Variants in GLP2R observed in about 807,000 individuals in gnomAD.
GLP2R encodes glucagon like peptide 2 receptor.
A neutral mutation model predicts 68.2 loss-of-function variants in GLP2R; 59 were observed. The ratio of observed to expected loss-of-function variants is 0.87; its 90% CI spans 0.70 to 1.07. The LOEUF (loss-of-function observed/expected upper bound fraction) is 1.07. Among genes scored for constraint, GLP2R ranks in the 50% least tolerant of loss-of-function variants. The probability of loss-of-function intolerance (pLI) is 0.00; values close to 1 mark genes in which losing one functional copy is unlikely to be tolerated. For missense variants in GLP2R, 548 were observed against 677.4 expected (o/e 0.81, Z 2.12); for synonymous variants, 270 against 265.4 (o/e 1.02, Z -0.17).
intron 1 of GLP2R, among the ~76,000 whole-genome samples, chr17:9,829,264 T>C (rs1303466435): frequency 2.6e-5 from 4 of 152,184 alleles, no homozygotes; most frequent in African/African-American, 9.7e-5. Context: ...GAGAAGTACA[T>C]TGCGGCCCTT....
chr17:9,850,705 T>C (rs1276972423), intron 4 of GLP2R, among the ~76,000 whole-genome samples: 1 of 137,170 alleles, frequency 7.3e-6, no homozygotes, highest in Admixed American at 7.2e-5. Flanking sequence ...TTTTTTTTTT[T>C]TTTTGAGCCG....
intron 10 of GLP2R, among the ~76,000 whole-genome samples, chr17:9,873,313 G>A (rs935728097): frequency 4.6e-5 from 7 of 152,100 alleles, no homozygotes; most frequent in Non-Finnish European, 5.9e-5. Flanking sequence ...AGCCTATCAC[G>A]GGCCACTGGC....
At chr17:9,857,068 C>T (rs1283709705) in intron 5 of GLP2R, among the ~76,000 whole-genome samples, 2 of 151,992 alleles carry the variant, frequency 1.3e-5, no homozygotes, top group African/African-American at 2.4e-5. Context: ...ATTACAGGCA[C>T]GCGCCACCAC....
intron 10 of GLP2R, among the ~76,000 whole-genome samples, chr17:9,876,939 A>G (rs2067146761): frequency 6.6e-6 from 1 of 152,178 alleles, no homozygotes; most frequent in Non-Finnish European, 1.5e-5. Flanking sequence ...ACCCCATGTT[A>G]TTTGTTTAAT....
chr17:9,848,597 T>A (rs2066862488), intron 4 of GLP2R, among the ~76,000 whole-genome samples: 1 of 152,034 alleles, frequency 6.6e-6, no homozygotes, highest in African/African-American at 2.4e-5. Flanking sequence ...GAAGTAAAGA[T>A]TTCTCTCTTC....
chr17:9,834,919 C>G (rs2066713047), intron 2 of GLP2R: 1 of 152,230 alleles, frequency 6.6e-6, no homozygotes, highest in African/African-American at 2.4e-5. Flanking sequence ...CACTGCCTTA[C>G]CCAGACCAGG....
intron 11 of GLP2R, among the ~76,000 whole-genome samples, chr17:9,886,608 C>T (rs2067246076): frequency 6.6e-6 from 1 of 152,098 alleles, no homozygotes; most frequent in African/African-American, 2.4e-5. Flanking sequence ...ACAGTATGCC[C>T]CTGTTATGGA....
At chr17:9,867,548 C>T (rs2067050587) in intron 9 of GLP2R, among the ~76,000 whole-genome samples, 1 of 152,184 alleles carries the variant, frequency 6.6e-6, no homozygotes, top group Non-Finnish European at 1.5e-5. Flanking sequence ...CTGAAATGTA[C>T]ATTTAGAGTT....
At chr17:9,874,734 TC>T (rs2152045724) in intron 10 of GLP2R, among the ~76,000 whole-genome samples, 1 of 152,304 alleles carries the variant, frequency 6.6e-6, no homozygotes, top group Admixed American at 6.5e-5. Context: ...GGTAGAGCAT[TC>T]CTTTCTTGTG....
intron 10 of GLP2R, among the ~76,000 whole-genome samples, chr17:9,872,388 C>T (rs2152044644): frequency 6.6e-6 from 1 of 152,270 alleles, no homozygotes; most frequent in Non-Finnish European, 1.5e-5. Context: ...ACTAGCCTGG[C>T]CAACATGGCA....
At chr17:9,840,422 A>T (rs1045602240) in intron 3 of GLP2R, among the ~76,000 whole-genome samples, 96 of 152,358 alleles carry the variant, frequency 6.3e-4, no homozygotes, top group African/African-American at 1.9e-3. Context: ...AGTACAGACA[A>T]TGCAAGTGTC....
chr17:9,844,503 G>A (rs919236376), intron 4 of GLP2R, among the ~76,000 whole-genome samples: 4 of 151,758 alleles, frequency 2.6e-5, no homozygotes, highest in African/African-American at 4.8e-5. Context: ...GGAGCAAAAC[G>A]GTAGGACCTG....
Position 9,890,014 on chromosome 17 carries a change from C to T in GLP2R, c.*309C>T, listed in dbSNP as rs2067278090. 1 of 496,668 alleles carries T rather than the reference C, an allele frequency of 2.0e-6. No individual in the cohort carries two copies. The highest frequency in any genetic ancestry group is 1.9e-5 in the African/African-American group (1 of 51,754). The allele number at this position is 496,668 out of a possible 1,614,324, so 30.8% of individuals were successfully genotyped here. ...GAAGTCCCACCATGAAGAGAGGTCTCCTGTTATAGAGAAGCCAGCCAATAT... is the reference window on the plus strand; with the variant it reads ...GAAGTCCCACCATGAAGAGAGGTCTTCTGTTATAGAGAAGCCAGCCAATAT... On this transcript the variant is annotated 3_prime_UTR_variant, in exon 13 of 13. Transcript: ENST00000262441.
chr17:9,885,281 C>G (rs900250072), intron 11 of GLP2R, among the ~76,000 whole-genome samples: 3 of 151,734 alleles, frequency 2.0e-5, no homozygotes, highest in African/African-American at 7.3e-5. Flanking sequence ...CCTCCACCTC[C>G]CAGGTTCAAG....
Position 9,887,977 on chromosome 17 carries a change from T to A in GLP2R, c.1326+4T>A. 6.2e-7 allele frequency: 1 copy of A among 1,606,380 alleles called. No homozygotes were observed. The highest frequency in any genetic ancestry group is 8.5e-7 in the Non-Finnish European group (1 of 1,172,900). ...GTATGGTTTTGCCAATGGAGAGGTA[T>A]GATTTCCACGTTGCCATCCTGGTTT... On this transcript the variant is annotated splice_donor_region_variant and intron_variant, in intron 12 of 12. Transcript: ENST00000262441.
intron 4 of GLP2R, among the ~76,000 whole-genome samples, chr17:9,843,186 G>A (rs77715677): frequency 0.056 from 8,562 of 152,286 alleles, 284 homozygotes; most frequent in African/African-American, 0.094. Flanking sequence ...TCTAGGGTCA[G>A]GCAGCCCTAT....
intron 1 of GLP2R, 89 bp from the exon 2 acceptor site, chr17:9,833,718 T>C: frequency 1.3e-6 from 1 of 759,364 alleles, no homozygotes; most frequent in Non-Finnish European, 2.2e-6. Context: ...GGCACTTCAG[T>C]GGGAAGGTTG....
intron 4 of GLP2R, among the ~76,000 whole-genome samples, chr17:9,847,020 T>C (rs2066845269): frequency 6.6e-6 from 1 of 152,236 alleles, no homozygotes; most frequent in Non-Finnish European, 1.5e-5. Flanking sequence ...CTAGGATTTG[T>C]TAACACTTGC....
intron 11 of GLP2R, among the ~76,000 whole-genome samples, chr17:9,885,807 C>T (rs2067239633): frequency 6.6e-6 from 1 of 151,812 alleles, no homozygotes; most frequent in Admixed American, 6.6e-5. Flanking sequence ...CTTTTTGATG[C>T]GAAGAGCAGC....
Sources: gnomAD v4.1 joint callset for allele counts (sites outside exome capture counted in the v4.1 genomes callset) on GRCh38, gnomAD v4.1.1 for gene constraint, MANE v1.5 for transcripts, NCBI Gene and HGNC (gene_info 2026-07-23, HGNC 2026-07-21) for gene names.